DYSF: variants seen among roughly 807,000 people sequenced by gnomAD.
DYSF encodes the protein dysferlin.
DYSF carries 212 observed loss-of-function variants against 274.9 expected under a neutral mutation model. The observed-to-expected ratio is 0.77, with a 90% CI of 0.69 to 0.86. DYSF has a LOEUF of 0.86. DYSF is among the 40% of genes least tolerant of loss of function. DYSF has a pLI of 0.00. For missense variants in DYSF, 2,666 were observed against 2,783.2 expected, an observed-to-expected ratio of 0.96 and a Z score of 0.95; for synonymous variants, 1,091 against 1,078.7, an observed-to-expected ratio of 1.01 and a Z score of -0.22.
chr2:71,535,351 T>C, intron 16 of DYSF, 40 bp downstream of exon 16: 1 of 1,597,460 alleles, frequency 6.3e-7, no homozygotes, highest in Non-Finnish European at 8.6e-7. Context: ...CGGGCTGTCC[T>C]GAGGGGGCGC....
chr2:71,526,410 G>T, intron 13 of DYSF, 64 bp downstream of exon 13: 8 of 1,462,946 alleles, frequency 5.5e-6, no homozygotes, highest in Non-Finnish European at 4.7e-6. Context: ...GCTGGTGGGG[G>T]TGGGCGATGG....
chr2:71,494,124 G>A (rs767358083), intron 3 of DYSF, among the ~76,000 whole-genome samples: 5 of 152,132 alleles, frequency 3.3e-5, no homozygotes, highest in Admixed American at 1.3e-4. Context: ...ATACAAGCAT[G>A]AGAACCCTCT....
intron 29 of DYSF, among the ~76,000 whole-genome samples, chr2:71,573,884 G>A (rs548521979): frequency 2.0e-5 from 3 of 152,000 alleles, no homozygotes; most frequent in East Asian, 3.9e-4. Context: ...GTGCAGTGGC[G>A]CAATCTCGGC....
Position 71,590,303 on chromosome 2 carries a change from G to A in DYSF, c.3574+15G>A. On this transcript the variant is annotated intron_variant, in intron 32 of 55. Transcript: ENST00000410020. ...CTCTTTTTCTGGTAGGTGGGAGAGA[G>A]GCAGGAGAGTCAGAGACTGTGGGCT... The A allele has an allele frequency of 1.9e-6, 3 of 1,614,032 alleles. No individual in the cohort carries two copies. The highest frequency in any genetic ancestry group is 2.5e-6 in the Non-Finnish European group (3 of 1,179,876).
chr2:71,545,464 A>G (rs910554234), intron 17 of DYSF, among the ~76,000 whole-genome samples: 6 of 152,082 alleles, frequency 3.9e-5, no homozygotes, highest in African/African-American at 1.2e-4. Flanking sequence ...TGGGGGAACA[A>G]TCTGTTCCGG....
chr2:71,561,621 G>A (rs2091763159), intron 22 of DYSF, 131 bp from the exon 23 acceptor site: 10 of 982,864 alleles, frequency 1.0e-5, no homozygotes, highest in South Asian at 8.1e-5. Context: ...TGTGTGGAGC[G>A]GGCTGGAGAA....
intron 30 of DYSF, among the ~76,000 whole-genome samples, chr2:71,580,874 A>G (rs983348365): frequency 3.9e-5 from 6 of 152,220 alleles, no homozygotes; most frequent in African/African-American, 9.6e-5. Context: ...TTGCGTGTCC[A>G]TGTGCCTCAG....
At chr2:71,511,632 C>A (rs1279181067) in intron 4 of DYSF, among the ~76,000 whole-genome samples, 175 bp from the exon 5 acceptor site, 2 of 152,208 alleles carry the variant, frequency 1.3e-5, no homozygotes, top group African/African-American at 4.8e-5. Context: ...GTGCTTCGAA[C>A]CACCTGACTA....
intron 47 of DYSF, 75 bp from the exon 48 acceptor site, chr2:71,667,301 G>T: frequency 6.2e-7 from 1 of 1,607,938 alleles, no homozygotes; most frequent in Middle Eastern, 2.0e-4. Flanking sequence ...GCCCTGCTCA[G>T]CCTGTTCACT....
Position 71,539,146 on chromosome 2 carries a change from C to G in DYSF, c.1494-11C>G. 1 of 1,613,722 alleles carries G rather than the reference C, an allele frequency of 6.2e-7. No homozygotes were observed. The highest frequency in any genetic ancestry group is 8.5e-7 in the Non-Finnish European group (1 of 1,179,736). ...TCCTGTGTTCAGGCCCTCTCTGCTCCCTTGCTCTAGGGACCGCCTGACTCA... is the reference window on the plus strand; with the variant it reads ...TCCTGTGTTCAGGCCCTCTCTGCTCGCTTGCTCTAGGGACCGCCTGACTCA... On this transcript the variant is annotated splice_polypyrimidine_tract_variant and intron_variant, in intron 16 of 55. Transcript: ENST00000410020.
Position 71,611,521 on chromosome 2 carries a change from C to T in DYSF, c.4116C>T (p.Ser1372=), listed in dbSNP as rs746280244. 3 of 1,614,196 alleles carry T rather than the reference C, an allele frequency of 1.9e-6. No individual in the cohort carries two copies. The highest frequency in any genetic ancestry group is 2.5e-6 in the Non-Finnish European group (3 of 1,180,016). Residue 1372 remains serine, a synonymous_variant, in exon 38 of 56, where the codon TCC becomes TCT. Coordinates refer to ENST00000410020, the MANE Select transcript of DYSF (RefSeq NM_001130987.2). ...MKSYQLANIS[S]PSLVVECGGQ... ...GTTACCAGCTGGCCAACATCTCCTC[C>T]CCCAGCCTCGTGGTAGAGTGTGGGG...
At position 71,679,088 on chromosome 2, in the gene DYSF, C is replaced by G. The variant is rs375483537; in HGVS notation, c.5916C>G (p.Pro1972=). ...GSLQLDLNRM[P]KPAKTAKKCS... is the part of the protein sequence containing the mutation. The stretch of plus-strand genomic sequence containing the variant: ...TGCAGCTCGATCTCAACCGCATGCC[C>G]AAGCCAGCCAAGACAGCCAAGAAGT... The change falls in exon 53 of 56, where the codon CCC becomes CCG. Residue 1972 remains proline (P), a synonymous_variant. Coordinates refer to ENST00000410020, the MANE Select transcript of DYSF (RefSeq NM_001130987.2). 59 of 1,613,892 alleles carry G rather than the reference C, an allele frequency of 3.7e-5. No homozygotes were observed. The highest frequency in any genetic ancestry group is 5.3e-5 in the African/African-American group (4 of 74,910).
At chr2:71,472,412 CT>C (rs1318175887) in intron 1 of DYSF, among the ~76,000 whole-genome samples, 1 of 151,976 alleles carries the variant, frequency 6.6e-6, no homozygotes, top group Non-Finnish European at 1.5e-5. Context: ...CACTTTCTTT[CT>C]TTTTTTTCTT....
chr2:71,553,857 C>T lies in DYSF; in HGVS notation c.2035C>T (p.Leu679=). 1 of 1,575,586 alleles carries T rather than the reference C, an allele frequency of 6.3e-7. No homozygotes were observed. Among genetic ancestry groups the T allele is most frequent in the Non-Finnish European group, 8.7e-7 (1 of 1,156,068 alleles). Reference sequence around the variant, plus strand: ...GGGTAACGTGAAACCTGTGGTGGTGCTGTCATCCTACTGGGAGGACATCAG... The same window carrying T: ...GGGTAACGTGAAACCTGTGGTGGTGTTGTCATCCTACTGGGAGGACATCAG... ...PWGNVKPVVV[L]SSYWEDISHR... The change falls in exon 21 of 56, where the codon CTG becomes TTG. Residue 679 remains leucine (L), a synonymous_variant. Transcript: ENST00000410020.
At chr2:71,477,260 A>G (rs1370567973) in intron 1 of DYSF, among the ~76,000 whole-genome samples, 1 of 152,136 alleles carries the variant, frequency 6.6e-6, no homozygotes, top group African/African-American at 2.4e-5. Flanking sequence ...GCAACATCGC[A>G]TGTAGAGGAG....
At chr2:71,563,830 C>G (rs1472160065) in intron 23 of DYSF, among the ~76,000 whole-genome samples, 1 of 152,232 alleles carries the variant, frequency 6.6e-6, no homozygotes, top group Non-Finnish European at 1.5e-5. Flanking sequence ...CTCATGTGAG[C>G]TGGGGGCAGC....
In DYSF at chr2:71,503,772, A is replaced by G. The variant is rs540764483; in HGVS notation, c.345+453A>G. ...AGAGCCCTCTCCCCTGCCCACCAGG[A>G]CCCTCTTCCTTTTCCTCCGTTGTTC... is the stretch of plus-strand genomic sequence containing the variant. On this transcript the variant is annotated intron_variant, in intron 4 of 55. Coordinates refer to ENST00000410020, the MANE Select transcript of DYSF (RefSeq NM_001130987.2). Among the ~76,000 whole-genome samples the G allele has an allele frequency of 1.3e-3, 196 of 150,398 alleles. 1 individual carries two copies. Among genetic ancestry groups the G allele is most frequent in the Non-Finnish European group, 2.2e-3 (148 of 67,486 alleles).
chr2:71,583,482 C>T (rs573747456), intron 30 of DYSF, among the ~76,000 whole-genome samples: 1 of 152,326 alleles, frequency 6.6e-6, no homozygotes, highest in South Asian at 2.1e-4. Context: ...TGAGATGTTT[C>T]CTTTCTGGCC....
At chr2:71,570,835 G>A (rs2092378266) in intron 29 of DYSF, 94 bp downstream of exon 29, 1 of 1,558,406 alleles carries the variant, frequency 6.4e-7, no homozygotes, top group African/African-American at 1.4e-5. Flanking sequence ...ACACATGCAT[G>A]TGTGCACACA....
Sources: gnomAD v4.1 joint callset for allele counts (sites outside exome capture counted in the v4.1 genomes callset) on GRCh38, gnomAD v4.1.1 for gene constraint, MANE v1.5 for transcripts, NCBI Gene and HGNC (gene_info 2026-07-23, HGNC 2026-07-21) for gene names.